The following CWC27 variants were observed in gnomAD, a reference collection of about 807,000 sequenced individuals.
CWC27 encodes the protein CWC27 spliceosome associated cyclophilin.
Under a neutral mutation model 63.6 loss-of-function variants are expected in CWC27, and 47 were observed. That is an observed-to-expected ratio of 0.74 (90% CI 0.58 to 0.94). The LOEUF is 0.94. CWC27 is among the 40% of genes least tolerant of loss of function. CWC27 has a pLI of 0.00. For synonymous variants in CWC27, 175 were observed against 179.8 expected (o/e 0.97, Z 0.22); for missense variants, 495 against 554.3 (o/e 0.89, Z 1.07).
At chr5:64,956,443 GGTT>G (rs1181908477) in intron 11 of CWC27, among the ~76,000 whole-genome samples, 4 of 151,874 alleles carry the variant, frequency 2.6e-5, no homozygotes, top group Non-Finnish European at 5.9e-5. Flanking sequence ...TATTTCCTTT[GGTT>G]GTTATGTCTT....
rs1045842366 is a variant in CWC27 at position 64,858,960 on chromosome 5, G to C, written c.939-26483G>C. ...AGATCTGCACATGTGCATCATAGCA[G>C]TTCATAATAGCCAAACACTGGAAGC... On this transcript the variant is annotated intron_variant, in intron 10 of 13. Coordinates refer to ENST00000381070, the MANE Select transcript of CWC27 (RefSeq NM_005869.4). Among the ~76,000 whole-genome samples the C allele has an allele frequency of 2.0e-5, 3 of 152,188 alleles. No individual in the cohort carries two copies. In the East Asian group the frequency reaches 5.8e-4, roughly 29 times the overall value.
chr5:64,837,656 A>AT (rs2112273687), intron 10 of CWC27, among the ~76,000 whole-genome samples: 1 of 151,954 alleles, frequency 6.6e-6, no homozygotes, highest in African/African-American at 2.4e-5. Context: ...TCATTTTACC[A>AT]TTTTACCACT....
chr5:64,951,403 G>A (rs1316496681), intron 11 of CWC27, among the ~76,000 whole-genome samples: 1 of 151,770 alleles, frequency 6.6e-6, no homozygotes, highest in East Asian at 1.9e-4. Context: ...TGGATTGTTT[G>A]TTGTCTTATT....
chr5:64,804,528 CA>C, intron 10 of CWC27, 142 bp downstream of exon 10: 1 of 776,496 alleles, frequency 1.3e-6, no homozygotes, highest in Non-Finnish European at 1.9e-6. Context: ...CAAATTGGCC[CA>C]TTAGCAGGCC....
chr5:64,869,838 GAA>G (rs769182977), intron 10 of CWC27, among the ~76,000 whole-genome samples: 2 of 152,020 alleles, frequency 1.3e-5, no homozygotes, highest in Non-Finnish European at 2.9e-5. Context: ...AGAGAGGAAA[GAA>G]AACTCAGTTT....
intron 10 of CWC27, among the ~76,000 whole-genome samples, chr5:64,840,376 AAAAAAAAAAAAAAAAAAAAT>A (rs1466407810): frequency 1.6e-5 from 1 of 63,116 alleles, no homozygotes; most frequent in Non-Finnish European, 3.0e-5. Context: ...AAAAAAAAAA[AAAAAAAAAAAAAAAAAAAAT>A]ATATATATAT....
intron 11 of CWC27, among the ~76,000 whole-genome samples, chr5:64,917,655 T>G (rs1394924708): frequency 6.6e-6 from 1 of 152,208 alleles, no homozygotes; most frequent in East Asian, 1.9e-4. Context: ...ACAAAAAGGC[T>G]GATCCTCCTG....
At chr5:64,814,696 A>T (rs993119002) in intron 10 of CWC27, among the ~76,000 whole-genome samples, 11 of 152,216 alleles carry the variant, frequency 7.2e-5, no homozygotes, top group Non-Finnish European at 1.5e-5. Flanking sequence ...GAGCCAAGTC[A>T]TGTGTGTCCA....
intron 10 of CWC27, among the ~76,000 whole-genome samples, chr5:64,864,819 A>G (rs1746496083): frequency 6.6e-6 from 1 of 152,130 alleles, no homozygotes; most frequent in African/African-American, 2.4e-5. Flanking sequence ...AGGTTTTAAT[A>G]TATGTATATA....
At chr5:64,813,745 T>C (rs947899444) in intron 10 of CWC27, among the ~76,000 whole-genome samples, 7 of 152,224 alleles carry the variant, frequency 4.6e-5, no homozygotes, top group Admixed American at 2.6e-4. Context: ...TATTCACTGC[T>C]TTCTGGCCTT....
chr5:64,857,625 A>G (rs1746286606), intron 10 of CWC27, among the ~76,000 whole-genome samples: 1 of 152,222 alleles, frequency 6.6e-6, no homozygotes, highest in Admixed American at 6.5e-5. Context: ...TAGTCAGGTC[A>G]TATATATCAG....
At chr5:64,828,165 CTA>C (rs368326864) in intron 10 of CWC27, among the ~76,000 whole-genome samples, 194 of 152,154 alleles carry the variant, frequency 1.3e-3, no homozygotes, top group African/African-American at 4.3e-3. Flanking sequence ...GTTCATTTTA[CTA>C]TGTGACATTT....
chr5:64,990,567 G>GT (rs1242823940), intron 13 of CWC27, among the ~76,000 whole-genome samples: 1 of 151,654 alleles, frequency 6.6e-6, no homozygotes, highest in African/African-American at 2.4e-5. Flanking sequence ...GCCCGGCCGA[G>GT]TTTTTATTTG....
chr5:64,982,820 G>T (rs1026308059), intron 13 of CWC27, among the ~76,000 whole-genome samples: 1 of 152,094 alleles, frequency 6.6e-6, no homozygotes, highest in Non-Finnish European at 1.5e-5. Flanking sequence ...CTGCAGACTG[G>T]TACTGGTCCA....
chr5:64,855,510 G>C (rs1414492250), intron 10 of CWC27, among the ~76,000 whole-genome samples: 1 of 152,120 alleles, frequency 6.6e-6, no homozygotes, highest in Non-Finnish European at 1.5e-5. Context: ...TAAGAAATGT[G>C]TAAGGTATAG....
intron 11 of CWC27, among the ~76,000 whole-genome samples, chr5:64,911,120 C>T (rs1366402019): frequency 3.9e-5 from 6 of 152,186 alleles, no homozygotes; most frequent in Non-Finnish European, 7.3e-5. Flanking sequence ...ACACTTTGGA[C>T]GTCTCTCTGA....
chr5:64,941,151 G>A (rs187272478), intron 11 of CWC27, among the ~76,000 whole-genome samples: 1 of 152,194 alleles, frequency 6.6e-6, no homozygotes, highest in Non-Finnish European at 1.5e-5. Flanking sequence ...GATTTAACAA[G>A]CTGTTCTAGG....
In CWC27 at chr5:64,965,801, T is replaced by C. The variant is rs563845160; in HGVS notation, c.1043-5902T>C. On this transcript the variant is annotated intron_variant, in intron 11 of 13. Transcript: ENST00000381070. ...AGATCCTACAATTTACGGGTGAATT[T>C]TATTCATTCTTTAGATGCTTGCCAT... is the stretch of plus-strand genomic sequence containing the variant. Among the ~76,000 whole-genome samples the C allele has an allele frequency of 8.3e-4, 127 of 152,298 alleles. 1 individual carries two copies. Among genetic ancestry groups the C allele is most frequent in the African/African-American group, 2.8e-3 (115 of 41,574 alleles).
chr5:65,007,410 C>G (rs962891787), intron 13 of CWC27, among the ~76,000 whole-genome samples: 8 of 152,132 alleles, frequency 5.3e-5, no homozygotes, highest in African/African-American at 1.9e-4. Flanking sequence ...GGATATTGCT[C>G]TACTTGGGTT....
Sources: allele counts gnomAD v4.1 joint callset (sites outside exome capture counted in the v4.1 genomes callset), GRCh38; gene constraint gnomAD v4.1.1; transcripts MANE v1.5; gene names NCBI Gene and HGNC (gene_info 2026-07-23, HGNC 2026-07-21).